The following TPD52 variants were observed in gnomAD, a reference collection of about 807,000 sequenced individuals.
TPD52 encodes prostate and colon associated protein.
TPD52 carries 17 observed loss-of-function variants against 31.3 expected under a neutral mutation model. The observed-to-expected ratio is 0.54, with a 90% CI of 0.37 to 0.82. The LOEUF is 0.82. Among genes scored for constraint, TPD52 ranks in the 40% least tolerant of loss-of-function variants. The pLI is 0.00. For synonymous variants in TPD52, 83 were observed against 89.6 expected (o/e 0.93, Z 0.42); for missense variants, 212 against 240.1 (o/e 0.88, Z 0.77).
intron 1 of TPD52, among the ~76,000 whole-genome samples, chr8:80,151,903 C>T (rs1033190597): frequency 6.6e-6 from 1 of 152,142 alleles, no homozygotes; most frequent in African/African-American, 2.4e-5. Context: ...AGTAATACAT[C>T]CATTGCTAAA....
At chr8:80,063,681 C>A (rs1444156228) in intron 2 of TPD52, among the ~76,000 whole-genome samples, 1 of 151,868 alleles carries the variant, frequency 6.6e-6, no homozygotes, top group Non-Finnish European at 1.5e-5. Context: ...CCTGTAATCC[C>A]AGCTACTCAG....
At chr8:80,132,096 C>T (rs1203819655) in intron 1 of TPD52, among the ~76,000 whole-genome samples, 3 of 149,950 alleles carry the variant, frequency 2.0e-5, no homozygotes, top group Non-Finnish European at 4.4e-5. Context: ...GTGGTGTGAT[C>T]TTGGCTCACT....
chr8:80,055,536 G>C (rs1811786975), intron 2 of TPD52, among the ~76,000 whole-genome samples: 1 of 152,020 alleles, frequency 6.6e-6, no homozygotes, highest in Non-Finnish European at 1.5e-5. Context: ...CAGAAACACA[G>C]GCAACAAAAA....
chr8:80,052,575 A>G (rs909297055), intron 3 of TPD52: 146 of 1,274,580 alleles, frequency 1.1e-4, no homozygotes, highest in Non-Finnish European at 1.3e-4. Flanking sequence ...CACTTCTGAT[A>G]GTTAAATTGT....
intron 2 of TPD52, among the ~76,000 whole-genome samples, chr8:80,057,578 A>T (rs1488407190): frequency 1.3e-5 from 2 of 152,212 alleles, no homozygotes; most frequent in Non-Finnish European, 2.9e-5. Flanking sequence ...TGGAAAACCA[A>T]ATACCACATG....
intron 1 of TPD52, among the ~76,000 whole-genome samples, chr8:80,102,098 C>T (rs1806785437): frequency 6.6e-6 from 1 of 152,226 alleles, no homozygotes; most frequent in African/African-American, 2.4e-5. Context: ...AAACAAATTA[C>T]TCCAAAACTC....
At chr8:80,099,881 C>T (rs1394229626) in intron 1 of TPD52, among the ~76,000 whole-genome samples, 1 of 152,136 alleles carries the variant, frequency 6.6e-6, no homozygotes, top group Non-Finnish European at 1.5e-5. Flanking sequence ...AAGTTTAAGG[C>T]CTACATTTAA....
intron 1 of TPD52, among the ~76,000 whole-genome samples, chr8:80,091,404 G>A (rs1006793323): frequency 2.6e-5 from 4 of 151,154 alleles, no homozygotes; most frequent in Admixed American, 6.6e-5. Context: ...AAGAGGCGGA[G>A]CTTGCAGTGA....
At chr8:80,085,084 G>A (rs1459380179) in intron 1 of TPD52, among the ~76,000 whole-genome samples, 2 of 152,188 alleles carry the variant, frequency 1.3e-5, no homozygotes, top group African/African-American at 4.8e-5. Context: ...AGGTTGTATT[G>A]TATGGTCCAT....
At chr8:80,044,443 C>T (rs112297095) in intron 5 of TPD52, among the ~76,000 whole-genome samples, 4,613 of 152,258 alleles carry the variant, frequency 0.03, 246 homozygotes, top group African/African-American at 0.1. Context: ...TGCATTTTTA[C>T]AGCACTTTGA....
chr8:80,075,359 G>A (rs1372573202), intron 1 of TPD52, among the ~76,000 whole-genome samples: 1 of 152,182 alleles, frequency 6.6e-6, no homozygotes, highest in Non-Finnish European at 1.5e-5. Flanking sequence ...GGAGCGCTTG[G>A]GAGCCACATC....
intron 1 of TPD52, among the ~76,000 whole-genome samples, chr8:80,153,289 A>G: frequency 6.6e-6 from 1 of 152,216 alleles, no homozygotes; most frequent in South Asian, 2.1e-4. Context: ...GGTGCTTCCA[A>G]GACACGGGGC....
intron 1 of TPD52, among the ~76,000 whole-genome samples, chr8:80,154,741 ACACACAC>A (rs1563666360): frequency 0.038 from 3,078 of 80,730 alleles, 142 homozygotes; most frequent in East Asian, 0.21. Context: ...ACACACACAC[ACACACAC>A]ACACAAAACA....
Position 80,051,608 on chromosome 8 carries a change from G to C in TPD52, c.305C>G (p.Thr102Ser). Residue 102 changes from threonine to serine, a missense_variant, in exon 4 of 8, where the codon ACC becomes AGC. Transcript: ENST00000518937. ...GGCCTTCTGTCCAGCCTGGGATAAG[G>C]TTTCAGATGTCTTCTTGTAACTATA... ...ATSAYKKTSETLSQAGQKASA... is the reference protein window; with the variant it reads ...ATSAYKKTSESLSQAGQKASA... 6.2e-7 allele frequency: 1 copy of C among 1,606,440 alleles called. No homozygotes were observed. Among genetic ancestry groups the C allele is most frequent in the Non-Finnish European group, 8.5e-7 (1 of 1,177,688 alleles).
At chr8:80,053,924 G>C (rs552738671) in intron 2 of TPD52, among the ~76,000 whole-genome samples, 2 of 152,282 alleles carry the variant, frequency 1.3e-5, no homozygotes, top group East Asian at 1.9e-4. Context: ...TTGCATATTT[G>C]ATATGAGTAT....
At chr8:80,122,415 C>A (rs1182132073) in intron 1 of TPD52, among the ~76,000 whole-genome samples, 2 of 152,072 alleles carry the variant, frequency 1.3e-5, no homozygotes, top group Non-Finnish European at 2.9e-5. Context: ...GATGGGCATG[C>A]GCATCAGAGA....
chr8:80,171,476 C>T lies in TPD52; in HGVS notation c.-33G>A, dbSNP rs1194220130. ...GCCCGCCGCCTCGTGTCCTCTGCAG[C>T]ACCCCCGCCTGCAGCCCGTCCCGGC... On this transcript the variant is annotated 5_prime_UTR_variant, in exon 1 of 8. Coordinates refer to ENST00000518937, the MANE Select transcript of TPD52 (RefSeq NM_001025253.3). 1.9e-6 allele frequency: 3 copies of T among 1,561,496 alleles called. No homozygotes were observed. The highest frequency in any genetic ancestry group is 1.8e-5 in the Admixed American group (1 of 56,452).
intron 5 of TPD52, among the ~76,000 whole-genome samples, chr8:80,050,076 T>A (rs1811213164): frequency 6.6e-6 from 1 of 152,072 alleles, no homozygotes; most frequent in Non-Finnish European, 1.5e-5. Context: ...AATTCCAACA[T>A]CCTTACAAAA....
intron 1 of TPD52, among the ~76,000 whole-genome samples, chr8:80,152,736 G>GTAGT (rs1271341177): frequency 7.5e-6 from 1 of 133,738 alleles, no homozygotes; most frequent in Non-Finnish European, 1.5e-5. Context: ...AGCCGAGATT[G>GTAGT]CGCCACTTCA....
Sources: allele counts gnomAD v4.1 joint callset (sites outside exome capture counted in the v4.1 genomes callset), GRCh38; gene constraint gnomAD v4.1.1; transcripts MANE v1.5; gene names NCBI Gene and HGNC (gene_info 2026-07-23, HGNC 2026-07-21).